PHKG1: variants seen among roughly 807,000 people sequenced by gnomAD.
PHKG1 encodes the protein phosphorylase b kinase gamma catalytic chain, skeletal muscle/heart isoform.
In PHKG1, 48 loss-of-function variants were observed where a neutral mutation model predicts 50.5. The observed-to-expected ratio is 0.95, with a 90% CI of 0.75 to 1.21. PHKG1 has a LOEUF of 1.21. Ranked by LOEUF, PHKG1 falls within the 50% of genes most tolerant of loss-of-function variation. PHKG1 has a pLI of 0.00. For missense variants in PHKG1, 487 were observed against 519.5 expected, an observed-to-expected ratio of 0.94 and a Z score of 0.61; for synonymous variants, 204 against 212.8, an observed-to-expected ratio of 0.96 and a Z score of 0.36.
At chr7:56,091,010 GAGACC>G (rs1355219944) in intron 1 of PHKG1, among the ~76,000 whole-genome samples, 1 of 152,126 alleles carries the variant, frequency 6.6e-6, no homozygotes, top group East Asian at 1.9e-4. Flanking sequence ...TCAGGAGTTC[GAGACC>G]AGCCTGGGCT....
chr7:56,086,411 G>T (rs1393774895), intron 4 of PHKG1, among the ~76,000 whole-genome samples: 2 of 152,274 alleles, frequency 1.3e-5, no homozygotes, highest in South Asian at 2.1e-4. Context: ...GGTGGCTTAT[G>T]CCTGTAATCC....
At chr7:56,088,836 C>A (rs184867152) in intron 2 of PHKG1, 23 bp downstream of exon 2, 4 of 1,573,646 alleles carry the variant, frequency 2.5e-6, no homozygotes, top group Non-Finnish European at 2.6e-6. Flanking sequence ...GACAGCACTT[C>A]GTGGGGAAAG....
At chr7:56,092,741 G>C (rs1293749754) in intron 1 of PHKG1, 95 bp downstream of exon 1, 1 of 152,178 alleles carries the variant, frequency 6.6e-6, no homozygotes, top group Non-Finnish European at 1.5e-5. Flanking sequence ...GACATGGATG[G>C]AATGGATGTG....
Position 56,084,040 on chromosome 7 carries a change from T to G in PHKG1, c.318-325A>C. ...CACCATTTCATGAGGTAGGCATTTC[T>G]TCAGCTAAGTCCCCTCCCCAGGTTC... On this transcript the variant is annotated intron_variant, in intron 4 of 9. Transcript: ENST00000297373. The G allele has an allele frequency of 1.4e-5, 9 of 656,652 alleles. No individual in the cohort carries two copies. The South Asian group carries it at 1.7e-4, about 12-fold the overall frequency. 40.7% of individuals were successfully genotyped at this position (656,652 alleles called of 1,614,324 possible). A position where few individuals can be genotyped will look rare whatever the true frequency, so the allele number is the denominator to read the frequency against.
Position 56,082,173 on chromosome 7 carries a change from C to T in PHKG1, c.628G>A (p.Glu210Lys), listed in dbSNP as rs375244738. The T allele has an allele frequency of 1.2e-5, 20 of 1,613,956 alleles. 1 individual carries two copies. In the African/African-American group the frequency reaches 1.7e-4, roughly 14 times the overall value. The change falls in exon 7 of 10, where the codon GAG (glutamate) becomes AAG (lysine). Residue 210 changes from glutamate to lysine, a missense_variant. Transcript: ENST00000297373. ...MNEDHPGYGK[E>K]VDMWSTGVIM... ...TCCCGGCGCACTCACATGTCCACCT[C>T]TTTCCCGTAGCCCGGGTGGTCCTCA... is the stretch of plus-strand genomic sequence containing the variant.
rs1562875928 is a variant in PHKG1 at position 56,081,486 on chromosome 7, C to T, written c.918+144G>A. The T allele has an allele frequency of 3.2e-6, 4 of 1,234,374 alleles. No homozygotes were observed. The highest frequency in any genetic ancestry group is 1.5e-5 in the African/African-American group (1 of 67,386). The allele number at this position is 1,234,374 out of a possible 1,614,324, so 76.5% of individuals were successfully genotyped here. A position where few individuals can be genotyped will look rare whatever the true frequency, so the allele number is the denominator to read the frequency against. Reference sequence around the variant, plus strand: ...ACCGAGCCAGTGGGCTGACACCTGCCGTCTTTGAAGCCATCACAGGGCAGC... The same window carrying T: ...ACCGAGCCAGTGGGCTGACACCTGCTGTCTTTGAAGCCATCACAGGGCAGC... On this transcript the variant is annotated intron_variant, in intron 9 of 9. Transcript: ENST00000297373. The surrounding 1 kb of genome is among the most constrained non-coding windows in gnomAD (Gnocchi z 4.6).
In PHKG1 at chr7:56,083,555, CAG is replaced by C. The variant is rs1796119832; in HGVS notation, c.383+93_383+94del. On this transcript the variant is annotated intron_variant, in intron 5 of 9. Coordinates refer to ENST00000297373, the MANE Select transcript of PHKG1 (RefSeq NM_006213.5). ...AAGGGAGCAGCACACACGCCCAGCC[CAG>C]ACATGTGCACGCCCTGCCTCCCCTG... 4 of 1,494,762 alleles carry C rather than the reference CAG, an allele frequency of 2.7e-6. No individual in the cohort carries two copies. The East Asian group carries it at 6.9e-5, about 26-fold the overall frequency. 92.6% of individuals were successfully genotyped at this position (1,494,762 alleles called of 1,614,324 possible). A position where few individuals can be genotyped will look rare whatever the true frequency, so the allele number is the denominator to read the frequency against.
At chr7:56,082,343 A>C (rs1472578320) in intron 6 of PHKG1, 90 bp from the exon 7 acceptor site, 83 of 1,033,230 alleles carry the variant, frequency 8.0e-5, no homozygotes, top group Admixed American at 6.1e-5. Context: ...CTATAATCCT[A>C]GCACTTTGGG....
intron 3 of PHKG1, 28 bp from the exon 4 acceptor site, chr7:56,087,052 A>C: frequency 6.8e-5 from 108 of 1,598,000 alleles, no homozygotes; most frequent in Non-Finnish European, 8.5e-5. Flanking sequence ...AGCTTGTCTC[A>C]AGTAGCAGGG....
At position 56,081,930 on chromosome 7, in the gene PHKG1, G is replaced by A; in HGVS notation, c.755C>T (p.Pro252Leu). Residue 252 changes from proline to leucine, a missense_variant, in exon 8 of 10, where the codon CCC becomes CTC. Pro to Leu is a moderately conservative substitution (Grantham distance 98). Transcript: ENST00000297373. The surrounding 1 kb of genome is among the most constrained non-coding windows in gnomAD (Gnocchi z 4.6). Reference protein sequence around the residue: ...IMSGNYQFGSPEWDDYSDTVK... With the variant: ...IMSGNYQFGSLEWDDYSDTVK... The stretch of plus-strand genomic sequence containing the variant: ...GGTGTCCGAGTAATCATCCCACTCG[G>A]GCGAGCCAAACTGGTAGTTGCCGCT... 1 of 1,613,724 alleles carries A rather than the reference G, an allele frequency of 6.2e-7. No individual in the cohort carries two copies. The highest frequency in any genetic ancestry group is 1.3e-5 in the African/African-American group (1 of 75,034).
intron 4 of PHKG1, among the ~76,000 whole-genome samples, chr7:56,086,334 G>C (rs548074348): frequency 6.6e-4 from 100 of 151,908 alleles, no homozygotes; most frequent in Non-Finnish European, 1.3e-3. Flanking sequence ...TTATAAGTTA[G>C]GCACAGTCAG....
chr7:56,090,299 A>G (rs1170023151), intron 1 of PHKG1, among the ~76,000 whole-genome samples: 1 of 152,044 alleles, frequency 6.6e-6, no homozygotes, highest in African/African-American at 2.4e-5. Flanking sequence ...TATTTTTAGT[A>G]GAGATGGAGT....
rs761718565 is a variant in PHKG1, at chr7:56,081,926, C to T, written c.759G>A (p.Glu253=). The T allele has an allele frequency of 3.7e-6, 6 of 1,613,712 alleles. No individual in the cohort carries two copies. The highest frequency in any genetic ancestry group is 1.7e-6 in the Non-Finnish European group (2 of 1,180,002). Residue 253 remains glutamate (E), a synonymous_variant, in exon 8 of 10, where the codon GAG becomes GAA. Transcript: ENST00000297373. This position sits in a 1 kb window ranked among gnomAD's most constrained non-coding sequence, Gnocchi z 4.6. ...TCACGGTGTCCGAGTAATCATCCCA[C>T]TCGGGCGAGCCAAACTGGTAGTTGC... ...MSGNYQFGSP[E]WDDYSDTVKD...
Position 56,081,395 on chromosome 7 carries a change from C to CCACCCAAGG in PHKG1, c.919-97_919-96insCCTTGGGTG. The CCACCCAAGG allele has an allele frequency of 6.9e-7, 1 of 1,452,098 alleles. No individual in the cohort carries two copies. The highest frequency in any genetic ancestry group is 9.2e-7 in the Non-Finnish European group (1 of 1,090,026). The allele number at this position is 1,452,098 out of a possible 1,614,324, so 90.0% of individuals were successfully genotyped here. On this transcript the variant is annotated intron_variant, in intron 9 of 9. Coordinates refer to ENST00000297373, the MANE Select transcript of PHKG1 (RefSeq NM_006213.5). This position sits in a 1 kb window ranked among gnomAD's most constrained non-coding sequence, Gnocchi z 4.6. ...CGCTCTGGGCTCGTTTGCCACGAAG[C>CCACCCAAGG]CTTGGGTGGCTTCTGCGGGGCCTTC...
chr7:56,088,200 A>G (rs915705577), intron 2 of PHKG1, among the ~76,000 whole-genome samples: 2 of 151,716 alleles, frequency 1.3e-5, no homozygotes, highest in African/African-American at 4.8e-5. Flanking sequence ...ACACAGAGCT[A>G]ATTTTTGTAT....
At position 56,081,062 on chromosome 7, in the gene PHKG1, C is replaced by G. The variant is rs764260559; in HGVS notation, c.1156G>C (p.Asp386His). 2 of 1,612,110 alleles carry G rather than the reference C, an allele frequency of 1.2e-6. No homozygotes were observed. Among genetic ancestry groups the G allele is most frequent in the African/African-American group, 2.7e-5 (2 of 74,888 alleles). Reference protein sequence around the residue: ...KAVLLSLAEEDY With the variant: ...KAVLLSLAEEHY ...CCTGACTGGCCAGCCCCTCAGTAGT[C>G]CTCCTCGGCCAGGGAGAGGAGCACG... is the stretch of plus-strand genomic sequence containing the variant. The change falls in exon 10 of 10, where the codon GAC becomes CAC. Residue 386 changes from aspartate (D) to histidine (H), a missense_variant. Physicochemically the swap from Asp to His is moderately conservative, Grantham distance 81. Transcript: ENST00000297373. This position sits in a 1 kb window ranked among gnomAD's most constrained non-coding sequence, Gnocchi z 4.6.
chr7:56,087,312 A>G (rs1250921611), intron 3 of PHKG1, among the ~76,000 whole-genome samples: 1 of 151,220 alleles, frequency 6.6e-6, no homozygotes, highest in Non-Finnish European at 1.5e-5. Flanking sequence ...GCCTCAAACT[A>G]CTGGGCTTGA....
intron 1 of PHKG1, among the ~76,000 whole-genome samples, chr7:56,091,611 C>A (rs978048975): frequency 6.6e-6 from 1 of 152,176 alleles, no homozygotes; most frequent in Non-Finnish European, 1.5e-5. Context: ...ATAGGCCCAA[C>A]CTGCCACTCA....
Position 56,080,708 on chromosome 7 carries a change from G to A in PHKG1, c.*346C>T, listed in dbSNP as rs1250421601. On this transcript the variant is annotated 3_prime_UTR_variant, in exon 10 of 10. Coordinates refer to ENST00000297373, the MANE Select transcript of PHKG1 (RefSeq NM_006213.5). ...TTTGATCCTCACCCTGTGACCCTAA[G>A]GGAAGAAAGCCTGAGTGTCAGTAAC... is the stretch of plus-strand genomic sequence containing the variant. 3.1e-6 allele frequency: 1 copy of A among 324,692 alleles called. No individual in the cohort carries two copies. Among genetic ancestry groups the A allele is most frequent in the East Asian group, 7.1e-5 (1 of 14,024 alleles). 20.1% of individuals were successfully genotyped at this position (324,692 alleles called of 1,614,324 possible).
Sources: gnomAD v4.1 joint callset for allele counts (sites outside exome capture counted in the v4.1 genomes callset) on GRCh38, gnomAD v4.1.1 for gene constraint, Gnocchi (gnomAD v3.1) non-coding constraint, MANE v1.5 for transcripts, NCBI Gene and HGNC (gene_info 2026-07-23, HGNC 2026-07-21) for gene names.